Variants in TCERG1L observed in about 807,000 individuals in gnomAD.
TCERG1L encodes the protein transcription elongation regulator 1 like, also known as transcription elongation regulator 1-like protein.
In TCERG1L, 37 loss-of-function variants were observed where a neutral mutation model predicts 56.3. The observed-to-expected ratio is 0.66, with a 90% CI of 0.51 to 0.87. The LOEUF (loss-of-function observed/expected upper bound fraction) is 0.87. Among genes scored for constraint, TCERG1L ranks in the 40% least tolerant of loss-of-function variants. The pLI is 0.00. For missense variants in TCERG1L, 799 were observed against 774.2 expected (o/e 1.03, Z -0.38); for synonymous variants, 324 against 326.3 (o/e 0.99, Z 0.08).
intron 4 of TCERG1L, among the ~76,000 whole-genome samples, chr10:131,210,354 G>T (rs1845603726): frequency 6.6e-6 from 1 of 152,122 alleles, no homozygotes; most frequent in African/African-American, 2.4e-5. Flanking sequence ...TGCCCCCAGG[G>T]CCATCCTTGG....
intron 4 of TCERG1L, among the ~76,000 whole-genome samples, chr10:131,211,680 T>C (rs1038396653): frequency 2.0e-5 from 3 of 151,998 alleles, no homozygotes; most frequent in African/African-American, 7.3e-5. Context: ...ACAACATAAA[T>C]GCAGCACGAA....
intron 6 of TCERG1L, 50 bp downstream of exon 6, chr10:131,163,072 G>T: frequency 7.1e-7 from 1 of 1,406,228 alleles, no homozygotes; most frequent in Non-Finnish European, 9.5e-7. Flanking sequence ...GCAAATGCCA[G>T]GACCAGACAA....
chr10:131,222,320 G>A (rs570585247), intron 4 of TCERG1L, among the ~76,000 whole-genome samples: 5 of 152,350 alleles, frequency 3.3e-5, no homozygotes, highest in African/African-American at 9.6e-5. Context: ...GGACAGTGAC[G>A]GCTGCGTTTT....
intron 4 of TCERG1L, among the ~76,000 whole-genome samples, chr10:131,204,617 C>T (rs1307142145): frequency 6.6e-6 from 1 of 152,240 alleles, no homozygotes; most frequent in Non-Finnish European, 1.5e-5. Context: ...AGCTCAGATC[C>T]AAAGGTGTGT....
chr10:131,236,291 G>A lies in TCERG1L; in HGVS notation c.856+23968C>T, dbSNP rs529434274. On this transcript the variant is annotated intron_variant, in intron 4 of 11. Transcript: ENST00000368642. ...CATCAAAACCACACAATTGTTCTCC[G>A]TAAATTAGCTATTGCTACCTTTTTT... 4.3e-4 allele frequency among the ~76,000 whole-genome samples: 65 copies of A among 152,298 alleles called. No individual in the cohort carries two copies. In the South Asian group the frequency reaches 8.9e-3, roughly 21 times the overall value.
chr10:131,199,536 C>A (rs1029023880), intron 4 of TCERG1L, among the ~76,000 whole-genome samples: 2 of 150,970 alleles, frequency 1.3e-5, no homozygotes, highest in African/African-American at 4.9e-5. Flanking sequence ...GTTTCCAATA[C>A]CTTGTTGCTG....
chr10:131,165,053 A>C (rs1846017232), intron 5 of TCERG1L, among the ~76,000 whole-genome samples: 1 of 152,240 alleles, frequency 6.6e-6, no homozygotes, highest in Non-Finnish European at 1.5e-5. Flanking sequence ...TGAGATTAGA[A>C]CAAAAATTAA....
At chr10:131,268,497 G>A (rs951283696) in intron 3 of TCERG1L, among the ~76,000 whole-genome samples, 2 of 152,142 alleles carry the variant, frequency 1.3e-5, no homozygotes, top group East Asian at 1.9e-4. Context: ...TAACCAGATA[G>A]TCATCAGTCC....
At chr10:131,302,784 C>T (rs913580014) in intron 3 of TCERG1L, among the ~76,000 whole-genome samples, 3 of 151,902 alleles carry the variant, frequency 2.0e-5, no homozygotes, top group Admixed American at 6.6e-5. Context: ...CCTAGCCCCC[C>T]ACCCCGCAAC....
At chr10:131,236,542 C>T (rs1845914685) in intron 4 of TCERG1L, among the ~76,000 whole-genome samples, 1 of 152,172 alleles carries the variant, frequency 6.6e-6, no homozygotes, top group African/African-American at 2.4e-5. Context: ...CATTCACCAA[C>T]GTCACTGAAT....
intron 3 of TCERG1L, among the ~76,000 whole-genome samples, chr10:131,294,722 T>C (rs1371241047): frequency 1.3e-5 from 2 of 152,198 alleles, no homozygotes; most frequent in African/African-American, 2.4e-5. Context: ...AGTAATTACT[T>C]AAAAATACTA....
intron 4 of TCERG1L, among the ~76,000 whole-genome samples, chr10:131,209,254 G>C (rs1056481580): frequency 6.6e-6 from 1 of 150,578 alleles, no homozygotes; most frequent in Admixed American, 6.6e-5. Context: ...AACACCTGTC[G>C]TCCCAAGCAT....
intron 4 of TCERG1L, among the ~76,000 whole-genome samples, chr10:131,186,242 G>GT (rs1241332613): frequency 6.6e-6 from 1 of 151,908 alleles, no homozygotes; most frequent in East Asian, 1.9e-4. Context: ...CCAGTAAGGA[G>GT]TTTTTTTTCA....
chr10:131,180,048 A>T (rs1845153621), intron 4 of TCERG1L, among the ~76,000 whole-genome samples: 1 of 152,216 alleles, frequency 6.6e-6, no homozygotes, highest in Non-Finnish European at 1.5e-5. Flanking sequence ...GGAGAAAGAC[A>T]GACATGGTCT....
intron 6 of TCERG1L, 56 bp from the exon 7 acceptor site, chr10:131,146,716 TC>T: frequency 6.5e-7 from 1 of 1,546,166 alleles, no homozygotes; most frequent in East Asian, 2.3e-5. Context: ...AATTAGAAAG[TC>T]GTTAGCATGA....
chr10:131,178,517 T>C (rs372040012), intron 4 of TCERG1L, among the ~76,000 whole-genome samples: 2 of 152,246 alleles, frequency 1.3e-5, no homozygotes, highest in African/African-American at 4.8e-5. Flanking sequence ...TCAAGAGACA[T>C]ACCTCTCAAG....
chr10:131,157,235 A>G (rs925110080), intron 6 of TCERG1L, among the ~76,000 whole-genome samples: 1 of 152,220 alleles, frequency 6.6e-6, no homozygotes, highest in Admixed American at 6.5e-5. Flanking sequence ...CCATCTTAAA[A>G]AGAACTTTGA....
intron 4 of TCERG1L, among the ~76,000 whole-genome samples, chr10:131,242,520 C>A (rs1040309979): frequency 6.6e-6 from 1 of 152,140 alleles, no homozygotes; most frequent in Non-Finnish European, 1.5e-5. Context: ...ACGGCACCAG[C>A]GACTTTCAAG....
intron 4 of TCERG1L, among the ~76,000 whole-genome samples, chr10:131,238,143 A>G (rs2133517788): frequency 6.6e-6 from 1 of 152,200 alleles, no homozygotes; most frequent in African/African-American, 2.4e-5. Context: ...CCCCTGTTCC[A>G]GCCCCTAGAT....
Sources: allele counts gnomAD v4.1 joint callset (sites outside exome capture counted in the v4.1 genomes callset), GRCh38; gene constraint gnomAD v4.1.1; transcripts MANE v1.5; gene names NCBI Gene and HGNC (gene_info 2026-07-23, HGNC 2026-07-21).